The following PGGT1B variants were observed in gnomAD, a reference collection of about 807,000 sequenced individuals.
The protein encoded by PGGT1B is protein geranylgeranyltransferase type I subunit beta.
PGGT1B carries 30 observed loss-of-function variants against 46.1 expected under a neutral mutation model. The ratio of observed to expected loss-of-function variants is 0.65; its 90% confidence interval spans 0.49 to 0.88. PGGT1B has a LOEUF of 0.88. Among genes scored for constraint, PGGT1B ranks in the 40% least tolerant of loss-of-function variants. PGGT1B has a pLI of 0.00. For synonymous variants in PGGT1B, 170 were observed against 160.0 expected, an observed-to-expected ratio of 1.06 and a Z score of -0.47; for missense variants, 376 against 455.9, an observed-to-expected ratio of 0.82 and a Z score of 1.60.
At chr5:115,245,296 A>G (rs940537264) in intron 2 of PGGT1B, among the ~76,000 whole-genome samples, 4 of 152,250 alleles carry the variant, frequency 2.6e-5, no homozygotes, top group Non-Finnish European at 5.9e-5. Flanking sequence ...GAATCAGTAA[A>G]TGACATTTCT....
chr5:115,206,371 T>C lies in PGGT1B; in HGVS notation c.*6031A>G, dbSNP rs1042234675. ...ACTAAATGACCATTTTAAAAAAAGG[T>C]TCAAAGTGAAATAAGCTATATATTT... On this transcript the variant is annotated 3_prime_UTR_variant, in exon 9 of 9. Transcript: ENST00000419445. 3.3e-5 allele frequency: 5 copies of C among 151,908 alleles called. No homozygotes were observed. The highest frequency in any genetic ancestry group is 3.3e-4 in the Admixed American group (5 of 15,236). 9.4% of individuals were successfully genotyped at this position (151,908 alleles called of 1,614,324 possible). A position where few individuals can be genotyped will look rare whatever the true frequency, so the allele number is the denominator to read the frequency against.
chr5:115,260,836 C>T (rs1426583911), intron 1 of PGGT1B, among the ~76,000 whole-genome samples: 1 of 152,140 alleles, frequency 6.6e-6, no homozygotes, highest in Non-Finnish European at 1.5e-5. Context: ...TGCTGTTTTA[C>T]TTATGCTGTG....
intron 7 of PGGT1B, among the ~76,000 whole-genome samples, chr5:115,218,532 T>G (rs1035086573): frequency 1.3e-5 from 2 of 149,700 alleles, no homozygotes; most frequent in South Asian, 2.1e-4. Flanking sequence ...AATCTAATAT[T>G]TTATTGGAAA....
intron 8 of PGGT1B, 24 bp downstream of exon 8, chr5:115,216,841 C>G: frequency 8.5e-7 from 1 of 1,170,710 alleles, no homozygotes; most frequent in Non-Finnish European, 1.3e-6. Context: ...AAAGGTTGTT[C>G]TGATTCACAA....
chr5:115,261,947 A>G (rs1748571851), intron 1 of PGGT1B, among the ~76,000 whole-genome samples: 1 of 152,228 alleles, frequency 6.6e-6, no homozygotes, highest in Non-Finnish European at 1.5e-5. Flanking sequence ...TGATCCGGTC[A>G]TGCAGTGTTC....
intron 2 of PGGT1B, among the ~76,000 whole-genome samples, chr5:115,248,742 G>A (rs1290822622): frequency 6.6e-6 from 1 of 152,180 alleles, no homozygotes; most frequent in Non-Finnish European, 1.5e-5. Context: ...GGAGTCAGAA[G>A]TGCCAGATGT....
chr5:115,242,653 C>T (rs1017108350), intron 2 of PGGT1B, among the ~76,000 whole-genome samples: 3 of 152,116 alleles, frequency 2.0e-5, no homozygotes, highest in Non-Finnish European at 4.4e-5. Context: ...TCCCTACTGG[C>T]GAAAAATGTA....
At chr5:115,229,752 A>G (rs1392290404) in intron 6 of PGGT1B, among the ~76,000 whole-genome samples, 1 of 152,166 alleles carries the variant, frequency 6.6e-6, no homozygotes, top group East Asian at 1.9e-4. Flanking sequence ...TTGTACAACT[A>G]TAACTATATC....
chr5:115,218,674 C>T (rs923014036), intron 7 of PGGT1B, among the ~76,000 whole-genome samples: 1 of 151,378 alleles, frequency 6.6e-6, no homozygotes, highest in Admixed American at 6.6e-5. Context: ...AAAAACAATG[C>T]TAGTTAATAA....
At position 115,209,057 on chromosome 5, in the gene PGGT1B, G is replaced by T. The variant is rs1756145093; in HGVS notation, c.*3345C>A. 6.6e-6 allele frequency: 1 copy of T among 151,892 alleles called. No homozygotes were observed. Among genetic ancestry groups the T allele is most frequent in the Admixed American group, 6.6e-5 (1 of 15,214 alleles). 9.4% of individuals were successfully genotyped at this position (151,892 alleles called of 1,614,324 possible). A position where few individuals can be genotyped will look rare whatever the true frequency, so the allele number is the denominator to read the frequency against. On this transcript the variant is annotated 3_prime_UTR_variant, in exon 9 of 9. Coordinates refer to ENST00000419445, the MANE Select transcript of PGGT1B (RefSeq NM_005023.4). ...AGTTTTTCTGTACTTTTAGGAGGAA[G>T]GAGTGGCTCTAGGATGACTTCACAG...
At chr5:115,231,337 A>T (rs551861998) in intron 5 of PGGT1B, among the ~76,000 whole-genome samples, 10 of 152,116 alleles carry the variant, frequency 6.6e-5, no homozygotes, top group Admixed American at 6.6e-4. Context: ...TACCATTGCA[A>T]GTATACGTGA....
At chr5:115,250,514 C>T (rs1256328787) in intron 2 of PGGT1B, among the ~76,000 whole-genome samples, 2 of 152,084 alleles carry the variant, frequency 1.3e-5, no homozygotes, top group Admixed American at 6.6e-5. Context: ...GTAACTTAAG[C>T]AGCAATGACT....
intron 5 of PGGT1B, among the ~76,000 whole-genome samples, chr5:115,233,619 C>A (rs1374776555): frequency 6.7e-6 from 1 of 149,852 alleles, no homozygotes; most frequent in Non-Finnish European, 1.5e-5. Context: ...CTAACTCTGG[C>A]CTGCAGTCTG....
Position 115,209,627 on chromosome 5 carries a change from C to G in PGGT1B, c.*2775G>C, listed in dbSNP as rs1756164410. The G allele has an allele frequency of 6.6e-6, 1 of 152,102 alleles. No individual in the cohort carries two copies. Among genetic ancestry groups the G allele is most frequent in the Admixed American group, 6.6e-5 (1 of 15,252 alleles). 9.4% of individuals were successfully genotyped at this position (152,102 alleles called of 1,614,324 possible). ...AGTGTCTGTGGCTATCCTAGTTGCT[C>G]TGTATTCTTATGGGGAGATTAGAAA... On this transcript the variant is annotated 3_prime_UTR_variant, in exon 9 of 9. Transcript: ENST00000419445.
At position 115,206,821 on chromosome 5, in the gene PGGT1B, G is replaced by T. The variant is rs1424445412; in HGVS notation, c.*5581C>A. The stretch of plus-strand genomic sequence containing the variant: ...AATTCTGATAGCTTCTGCCATGGAG[G>T]ATTTAGAGTATGTTTTAGTGTCGGA... On this transcript the variant is annotated 3_prime_UTR_variant, in exon 9 of 9. Transcript: ENST00000419445. 1 of 151,860 alleles carries T rather than the reference G, an allele frequency of 6.6e-6. No homozygotes were observed. The highest frequency in any genetic ancestry group is 1.5e-5 in the Non-Finnish European group (1 of 67,882). 9.4% of individuals were successfully genotyped at this position (151,860 alleles called of 1,614,324 possible).
chr5:115,249,460 T>C (rs542948656), intron 2 of PGGT1B, among the ~76,000 whole-genome samples: 2 of 152,282 alleles, frequency 1.3e-5, no homozygotes, highest in South Asian at 4.1e-4. Flanking sequence ...TGTTCCCCTA[T>C]TGGCTAGGGT....
chr5:115,212,100 TG>T lies in PGGT1B; in HGVS notation c.*301del, dbSNP rs1195533481. 1 of 261,276 alleles carries T rather than the reference TG, an allele frequency of 3.8e-6. No individual in the cohort carries two copies. The highest frequency in any genetic ancestry group is 2.3e-5 in the African/African-American group (1 of 44,194). 16.2% of individuals were successfully genotyped at this position (261,276 alleles called of 1,614,324 possible). A position where few individuals can be genotyped will look rare whatever the true frequency, so the allele number is the denominator to read the frequency against. ...TTTTATAATAAGATACAATTTGCAC[TG>T]AAGAGTTTTTAAAAAGATAACCTAC... On this transcript the variant is annotated 3_prime_UTR_variant, in exon 9 of 9. Transcript: ENST00000419445.
intron 5 of PGGT1B, among the ~76,000 whole-genome samples, chr5:115,235,379 A>T (rs1757149191): frequency 6.6e-6 from 1 of 152,092 alleles, no homozygotes; most frequent in African/African-American, 2.4e-5. Context: ...ATCAATGCAT[A>T]CTAACAACAC....
At position 115,204,370 on chromosome 5, in the gene PGGT1B, A is replaced by G. The variant is rs1756002113; in HGVS notation, c.*8032T>C. On this transcript the variant is annotated 3_prime_UTR_variant, in exon 9 of 9. Coordinates refer to ENST00000419445, the MANE Select transcript of PGGT1B (RefSeq NM_005023.4). ...GTACCCAGGTGATGCTAGTGTTTCC[A>G]TCTGTAGACAACATTTGGAAAACTA... 6.6e-6 allele frequency: 1 copy of G among 152,128 alleles called. No homozygotes were observed. The highest frequency in any genetic ancestry group is 1.5e-5 in the Non-Finnish European group (1 of 68,016). 9.4% of individuals were successfully genotyped at this position (152,128 alleles called of 1,614,324 possible). A position where few individuals can be genotyped will look rare whatever the true frequency, so the allele number is the denominator to read the frequency against.
Sources: allele counts gnomAD v4.1 joint callset (sites outside exome capture counted in the v4.1 genomes callset), GRCh38; gene constraint gnomAD v4.1.1; transcripts MANE v1.5; gene names NCBI Gene and HGNC (gene_info 2026-07-23, HGNC 2026-07-21).